The following PDS5A variants were observed in gnomAD, a reference collection of about 807,000 sequenced individuals.
The protein encoded by PDS5A is sister chromatid cohesion protein PDS5 homolog A.
A neutral mutation model predicts 167.1 loss-of-function variants in PDS5A; 42 were observed. The observed-to-expected ratio is 0.25, with a 90% CI of 0.20 to 0.33. The LOEUF is 0.33. Ranked by LOEUF, PDS5A falls within the 10% of genes least tolerant of loss-of-function variation. The pLI, the probability that PDS5A is intolerant of heterozygous loss-of-function variation, is 1.00. For synonymous variants in PDS5A, 553 were observed against 554.6 expected (o/e 1.00, Z 0.04); for missense variants, 1,033 against 1,605.9 (o/e 0.64, Z 6.10).
At chr4:39,936,011 C>A (rs772851528) in intron 2 of PDS5A, among the ~76,000 whole-genome samples, 3 of 152,114 alleles carry the variant, frequency 2.0e-5, no homozygotes, top group Non-Finnish European at 4.4e-5. Flanking sequence ...TATACCCATA[C>A]AAAAGACTTC....
intron 26 of PDS5A, among the ~76,000 whole-genome samples, chr4:39,853,880 G>C (rs1017630711): frequency 1.3e-5 from 2 of 152,248 alleles, no homozygotes; most frequent in Admixed American, 6.5e-5. Flanking sequence ...ATCAGTGAGT[G>C]CTTTGTTGCT....
At chr4:39,976,046 G>A (rs1731050710) in intron 2 of PDS5A, 3 of 154,384 alleles carry the variant, frequency 1.9e-5, no homozygotes, top group Admixed American at 1.9e-4. Flanking sequence ...AGAAAATTAT[G>A]CAAATTTTTA....
At position 39,844,642 on chromosome 4, in the gene PDS5A, G is replaced by A; in HGVS notation, c.3548+14C>T. 1.9e-6 allele frequency: 3 copies of A among 1,598,120 alleles called. No homozygotes were observed. The highest frequency in any genetic ancestry group is 1.7e-4 in the Middle Eastern group (1 of 5,994). ...GTGAGTGCTAGTAACAAAATAATTG[G>A]AGAGAAAAGTTGCCTTGATCGATTT... On this transcript the variant is annotated intron_variant, in intron 30 of 32. Transcript: ENST00000303538.
intron 9 of PDS5A, among the ~76,000 whole-genome samples, chr4:39,912,088 T>C (rs1188773758): frequency 6.6e-6 from 1 of 152,170 alleles, no homozygotes; most frequent in African/African-American, 2.4e-5. Flanking sequence ...GTTAATAAAA[T>C]ACTGCATTTA....
chr4:39,903,992 TA>T, intron 12 of PDS5A, 47 bp downstream of exon 12: 1 of 1,136,690 alleles, frequency 8.8e-7, no homozygotes. Context: ...ATTTTTTAAG[TA>T]AAAAGTAGTT....
intron 17 of PDS5A, among the ~76,000 whole-genome samples, chr4:39,880,848 C>T (rs1212062879): frequency 6.6e-6 from 1 of 152,092 alleles, no homozygotes; most frequent in Non-Finnish European, 1.5e-5. Context: ...TTATTGTTAA[C>T]TATAGTCATC....
chr4:39,834,880 C>T (rs1024452306), intron 32 of PDS5A, among the ~76,000 whole-genome samples: 1 of 152,174 alleles, frequency 6.6e-6, no homozygotes, highest in Non-Finnish European at 1.5e-5. Context: ...AGCCTATTCC[C>T]GCTAACCTCA....
chr4:39,933,920 G>A (rs1726327002), intron 2 of PDS5A, among the ~76,000 whole-genome samples: 1 of 152,208 alleles, frequency 6.6e-6, no homozygotes. Flanking sequence ...CAGAAGAGGT[G>A]GTGGTGTAGT....
intron 32 of PDS5A, among the ~76,000 whole-genome samples, chr4:39,828,228 T>G (rs1182801747): frequency 6.6e-6 from 1 of 152,162 alleles, no homozygotes; most frequent in African/African-American, 2.4e-5. Context: ...TGCAAATAGC[T>G]GAGGGAATAC....
intron 2 of PDS5A, among the ~76,000 whole-genome samples, chr4:39,963,286 T>C (rs150720897): frequency 2.0e-5 from 3 of 152,054 alleles, no homozygotes; most frequent in African/African-American, 7.2e-5. Context: ...TGATACTCCA[T>C]CTGTATTAAA....
intron 2 of PDS5A, among the ~76,000 whole-genome samples, chr4:39,964,461 T>G (rs1729786490): frequency 1.1e-4 from 17 of 152,210 alleles, no homozygotes; most frequent in Admixed American, 1.1e-3. Context: ...CCCATCACTT[T>G]CGGAGGCTGA....
chr4:39,967,603 C>T (rs550782051), intron 2 of PDS5A, among the ~76,000 whole-genome samples: 22 of 151,074 alleles, frequency 1.5e-4, no homozygotes, highest in African/African-American at 5.4e-4. Flanking sequence ...GCCAAGATCG[C>T]GCCACTGCAC....
intron 2 of PDS5A, among the ~76,000 whole-genome samples, chr4:39,935,154 C>T (rs142596793): frequency 6.6e-6 from 1 of 152,200 alleles, no homozygotes. Context: ...CTGATTGGGA[C>T]GGAGTCTCAC....
intron 2 of PDS5A, chr4:39,973,823 A>G: frequency 8.6e-7 from 1 of 1,157,788 alleles, no homozygotes; most frequent in Non-Finnish European, 1.3e-6. Context: ...GCTATTCCAC[A>G]GACTCAGAAC....
intron 12 of PDS5A, among the ~76,000 whole-genome samples, chr4:39,903,221 C>T (rs572239500): frequency 1.3e-5 from 2 of 152,336 alleles, no homozygotes; most frequent in South Asian, 2.1e-4. Flanking sequence ...GGGGGACCCC[C>T]CTTCATATTA....
chr4:39,885,954 C>CA (rs1207783508), intron 17 of PDS5A, among the ~76,000 whole-genome samples: 3 of 151,310 alleles, frequency 2.0e-5, no homozygotes, highest in African/African-American at 4.9e-5. Flanking sequence ...GACCTTGTCT[C>CA]AAAAAAAGAG....
At chr4:39,869,718 G>C (rs1719856659) in intron 21 of PDS5A, among the ~76,000 whole-genome samples, 1 of 152,160 alleles carries the variant, frequency 6.6e-6, no homozygotes. Flanking sequence ...AGAGAACTCA[G>C]AAAACCCTTG....
rs571552287 is a variant in PDS5A, at chr4:39,967,375, T to C, written c.138+9065A>G. On this transcript the variant is annotated intron_variant, in intron 2 of 32. Coordinates refer to ENST00000303538, the MANE Select transcript of PDS5A (RefSeq NM_001100399.2). ...TTTAAAAATCAAGAAATGCCTGGCG[T>C]GGTGGCTTATGCCTGTAATCCCAAC... is the stretch of plus-strand genomic sequence containing the variant. 2.7e-3 allele frequency among the ~76,000 whole-genome samples: 418 copies of C among 152,018 alleles called. 2 individuals are homozygous for C. The highest frequency in any genetic ancestry group is 5.0e-3 in the Non-Finnish European group (338 of 67,966).
chr4:39,918,328 G>T (rs1181535468), intron 7 of PDS5A, among the ~76,000 whole-genome samples: 1 of 149,558 alleles, frequency 6.7e-6, no homozygotes. Flanking sequence ...ATGACAAAAA[G>T]AACAAAAAGT....
Sources: allele counts gnomAD v4.1 joint callset (sites outside exome capture counted in the v4.1 genomes callset), GRCh38; gene constraint gnomAD v4.1.1; transcripts MANE v1.5; gene names NCBI Gene and HGNC (gene_info 2026-07-23, HGNC 2026-07-21).